The following CSRP1 variants were observed in gnomAD, a reference collection of about 807,000 sequenced individuals.
The protein encoded by CSRP1 is cysteine and glycine rich protein 1, also known as cysteine and glycine-rich protein 1.
A neutral mutation model predicts 25.4 loss-of-function variants in CSRP1; 16 were observed. The observed-to-expected ratio is 0.63, with a 90% CI of 0.43 to 0.96. The LOEUF is 0.96. Among genes scored for constraint, CSRP1 ranks in the 40% least tolerant of loss-of-function variants. CSRP1 has a pLI of 0.00. For missense variants in CSRP1, 212 were observed against 243.6 expected (o/e 0.87, Z 0.86); for synonymous variants, 97 against 95.3 (o/e 1.02, Z -0.10).
chr1:201,504,797 C>CA lies in CSRP1; in HGVS notation c.-2+2272dup, dbSNP rs113551862. ...GGCCAATATAGTGAGACGCTGTCTC[C>CA]AAAAAAAAAAAAAACACCAGGCCGG... On this transcript the variant is annotated intron_variant, in intron 1 of 5. Transcript: ENST00000340006. 6.5e-3 allele frequency among the ~76,000 whole-genome samples: 873 copies of CA among 133,746 alleles called. 6 individuals carry two copies. The highest frequency in any genetic ancestry group is 0.015 in the African/African-American group (561 of 37,048). 87.7% of individuals were successfully genotyped at this position (133,746 alleles called of 152,430 possible).
chr1:201,488,555 C>A (rs1396205774), intron 4 of CSRP1: 1 of 204,936 alleles, frequency 4.9e-6, no homozygotes, highest in African/African-American at 2.3e-5. Context: ...CCCTCTGCAG[C>A]CCATCCACGT....
rs567444902 is a variant in CSRP1 at position 201,485,248 on chromosome 1, C to T, written c.505+35G>A. The T allele has an allele frequency of 1.3e-5, 20 of 1,597,468 alleles. No individual in the cohort carries two copies. In the Admixed American group the frequency reaches 2.0e-4, roughly 16 times the overall value. On this transcript the variant is annotated intron_variant, in intron 5 of 5. Coordinates refer to ENST00000340006, the MANE Select transcript of CSRP1 (RefSeq NM_004078.3). Reference sequence around the variant, plus strand: ...TACTTAGCCCCCCTACCCCCTTGGGCCTCCTGACCCTCAATTAGAAGTGAA... The same window carrying T: ...TACTTAGCCCCCCTACCCCCTTGGGTCTCCTGACCCTCAATTAGAAGTGAA...
At chr1:201,500,413 T>C (rs759512351) in intron 1 of CSRP1, among the ~76,000 whole-genome samples, 3 of 152,244 alleles carry the variant, frequency 2.0e-5, no homozygotes, top group Non-Finnish European at 4.4e-5. Flanking sequence ...CCCCAGGGAA[T>C]CAAGAACATG....
At chr1:201,493,204 C>T (rs1246556159) in intron 2 of CSRP1, among the ~76,000 whole-genome samples, 2 of 152,222 alleles carry the variant, frequency 1.3e-5, no homozygotes, top group Non-Finnish European at 2.9e-5. Flanking sequence ...TAGGCCCTCT[C>T]AGTCCCTGGT....
chr1:201,489,064 C>T, intron 3 of CSRP1, 80 bp from the exon 4 acceptor site: 1 of 1,569,648 alleles, frequency 6.4e-7, no homozygotes, highest in African/African-American at 1.4e-5. Flanking sequence ...CATGACCCTA[C>T]CTTCATCTCA....
intron 1 of CSRP1, among the ~76,000 whole-genome samples, chr1:201,504,094 T>G (rs1571790830): frequency 6.6e-6 from 1 of 152,198 alleles, no homozygotes; most frequent in Non-Finnish European, 1.5e-5. Flanking sequence ...AGATATTTCC[T>G]TAGTGAGTTG....
intron 3 of CSRP1, chr1:201,489,709 C>T (rs1026012692): frequency 1.3e-5 from 2 of 156,274 alleles, no homozygotes; most frequent in Non-Finnish European, 2.8e-5. Flanking sequence ...CCTGTCTCTA[C>T]AAAATACAGA....
chr1:201,490,322 G>A lies in CSRP1; in HGVS notation c.135C>T (p.Asp45=), dbSNP rs777425436. 14 of 1,614,188 alleles carry A rather than the reference G, an allele frequency of 8.7e-6. No homozygotes were observed. Among genetic ancestry groups the A allele is most frequent in the Non-Finnish European group, 1.1e-5 (13 of 1,180,026 alleles). The change falls in exon 3 of 6, where the codon GAC becomes GAT. Residue 45 remains aspartate (D), a synonymous_variant. Transcript: ENST00000340006. ...CACCATGCACGGCCACAGTGGTACT[G>A]TCCAGATTCTTCTTGCAGACCACTG... The part of the protein sequence containing the change: ...FLCMVCKKNL[D]STTVAVHGEE...
At chr1:201,485,421 G>A in intron 4 of CSRP1, 45 bp from the exon 5 acceptor site, 1 of 1,564,560 alleles carries the variant, frequency 6.4e-7, no homozygotes, top group Admixed American at 1.7e-5. Flanking sequence ...CAGTGATGAG[G>A]GTACCCTCCA....
intron 1 of CSRP1, 73 bp from the exon 2 acceptor site, chr1:201,496,377 A>G (rs1198194912): frequency 8.1e-7 from 1 of 1,237,082 alleles, no homozygotes; most frequent in Non-Finnish European, 1.2e-6. Context: ...CACGACAGAA[A>G]TGCAACAGCC....
At chr1:201,503,527 C>G (rs973686127) in intron 1 of CSRP1, among the ~76,000 whole-genome samples, 1 of 152,158 alleles carries the variant, frequency 6.6e-6, no homozygotes, top group Non-Finnish European at 1.5e-5. Flanking sequence ...AGCTGCTAAC[C>G]TTCCATTTCT....
rs10676830 is a variant in CSRP1 at position 201,501,992 on chromosome 1, A to AAAATAAATAAATAAAT, written c.-2+5062_-2+5077dup. On this transcript the variant is annotated intron_variant, in intron 1 of 5. Coordinates refer to ENST00000340006, the MANE Select transcript of CSRP1 (RefSeq NM_004078.3). The stretch of plus-strand genomic sequence containing the variant: ...GGGCAATAAAGCAATACTCAGTCTC[A>AAAATAAATAAATAAAT]AAATAAATAAATAAATAAATAAATA... 2.7e-4 allele frequency among the ~76,000 whole-genome samples: 39 copies of AAAATAAATAAATAAAT among 144,540 alleles called. No homozygotes were observed. In the East Asian group the frequency reaches 3.7e-3, roughly 14 times the overall value. 94.8% of individuals were successfully genotyped at this position (144,540 alleles called of 152,430 possible).
chr1:201,484,445 G>T lies in CSRP1; in HGVS notation c.*268C>A. ...AACAGAGCTCTGTGGGGCGAGGTGT[G>T]GGGAGAGGGGCCTGCTCTCACCTAG... On this transcript the variant is annotated 3_prime_UTR_variant, in exon 6 of 6. Transcript: ENST00000340006. The T allele has an allele frequency of 1.8e-6, 1 of 545,728 alleles. No individual in the cohort carries two copies. The highest frequency in any genetic ancestry group is 3.3e-6 in the Non-Finnish European group (1 of 305,912). The allele number at this position is 545,728 out of a possible 1,614,324, so 33.8% of individuals were successfully genotyped here. A position where few individuals can be genotyped will look rare whatever the true frequency, so the allele number is the denominator to read the frequency against.
chr1:201,503,063 T>A (rs931180208), intron 1 of CSRP1, among the ~76,000 whole-genome samples: 3 of 152,036 alleles, frequency 2.0e-5, no homozygotes, highest in Non-Finnish European at 2.9e-5. Flanking sequence ...GGAGAATTGC[T>A]TGAACCCGGA....
At position 201,496,227 on chromosome 1, in the gene CSRP1, T is replaced by C; in HGVS notation, c.77A>G (p.Glu26Gly). ...TVYFAEEVQC[E>G]GNSFHKSCFL... ...GCAGGATTTATGGAAGCTGTTGCCT[T>C]CGCACTGAACCTCTTCGGCAAAGTA... is the stretch of plus-strand genomic sequence containing the variant. The change falls in exon 2 of 6, where the codon GAA becomes GGA. Residue 26 changes from glutamate to glycine, a missense_variant. Transcript: ENST00000340006. The C allele has an allele frequency of 6.2e-7, 1 of 1,614,194 alleles. No homozygotes were observed.
At chr1:201,492,421 C>T (rs950542975) in intron 2 of CSRP1, 7 of 152,188 alleles carry the variant, frequency 4.6e-5, no homozygotes, top group African/African-American at 1.7e-4. Flanking sequence ...AGGTGATATA[C>T]TGAGAGACTC....
chr1:201,503,099 C>T (rs1474962939), intron 1 of CSRP1, among the ~76,000 whole-genome samples: 1 of 152,058 alleles, frequency 6.6e-6, no homozygotes, highest in Non-Finnish European at 1.5e-5. Flanking sequence ...GAGCCAAGAT[C>T]GTGCCACTGC....
chr1:201,490,072 G>T, intron 3 of CSRP1, 104 bp downstream of exon 3: 4 of 1,178,800 alleles, frequency 3.4e-6, no homozygotes, highest in Non-Finnish European at 3.6e-6. Flanking sequence ...GGTTTTCTGA[G>T]CCTTCCATTG....
chr1:201,504,875 GA>G lies in CSRP1; in HGVS notation c.-2+2194del, dbSNP rs1664771617. 3.3e-5 allele frequency among the ~76,000 whole-genome samples: 5 copies of G among 151,988 alleles called. No homozygotes were observed. In the South Asian group the frequency reaches 8.3e-4, roughly 25 times the overall value. Reference sequence around the variant, plus strand: ...ACACTTTGGGAGGCCGAGGCAGGTGGATCACCTGAGGTCAGGAGTTCAAAAA... The same window carrying G: ...ACACTTTGGGAGGCCGAGGCAGGTGGTCACCTGAGGTCAGGAGTTCAAAAA... On this transcript the variant is annotated intron_variant, in intron 1 of 5. Transcript: ENST00000340006.
Sources: gnomAD v4.1 joint callset for allele counts (sites outside exome capture counted in the v4.1 genomes callset) on GRCh38, gnomAD v4.1.1 for gene constraint, MANE v1.5 for transcripts, NCBI Gene and HGNC (gene_info 2026-07-23, HGNC 2026-07-21) for gene names.